The following JAZF1 variants were observed in gnomAD, a reference collection of about 807,000 sequenced individuals.
The protein encoded by JAZF1 is juxtaposed with another zinc finger protein 1.
A neutral mutation model predicts 26.4 loss-of-function variants in JAZF1; 8 were observed. That is an observed-to-expected ratio of 0.30 (90% CI 0.18 to 0.55). The LOEUF is 0.55. Ranked by LOEUF, JAZF1 falls within the 20% of genes least tolerant of loss-of-function variation. The pLI is 0.94. For missense variants in JAZF1, 199 were observed against 322.0 expected (o/e 0.62, Z 2.92); for synonymous variants, 126 against 122.3 (o/e 1.03, Z -0.20).
At chr7:28,054,290 A>C (rs1783662879) in intron 1 of JAZF1, among the ~76,000 whole-genome samples, 1 of 152,234 alleles carries the variant, frequency 6.6e-6, no homozygotes, top group Non-Finnish European at 1.5e-5. Flanking sequence ...TAGAAGTTGA[A>C]GAGATACAAC....
At chr7:27,883,928 T>C (rs1783814430) in intron 3 of JAZF1, among the ~76,000 whole-genome samples, 1 of 152,228 alleles carries the variant, frequency 6.6e-6, no homozygotes, top group African/African-American at 2.4e-5. Flanking sequence ...CCTACTGTCT[T>C]TCTTCAATGA....
chr7:27,878,102 G>A (rs1462209836), intron 3 of JAZF1, among the ~76,000 whole-genome samples: 2 of 152,144 alleles, frequency 1.3e-5, no homozygotes, highest in South Asian at 2.1e-4. Flanking sequence ...GCTATGGCTC[G>A]ATGGGGTCTC....
chr7:28,110,532 G>GAAAAGGAAAGGA (rs66665962), intron 1 of JAZF1, among the ~76,000 whole-genome samples: 6 of 35,542 alleles, frequency 1.7e-4, no homozygotes, highest in Non-Finnish European at 2.5e-4. Flanking sequence ...AAAGGAAAAG[G>GAAAAGGAAAGGA]AAAGGAAAAG....
intron 1 of JAZF1, among the ~76,000 whole-genome samples, chr7:28,165,188 A>G (rs1783349853): frequency 6.6e-6 from 1 of 152,176 alleles, no homozygotes; most frequent in African/African-American, 2.4e-5. Context: ...AAACAAAAAC[A>G]AAACAAAAAC....
At chr7:28,136,744 G>A (rs1183238160) in intron 1 of JAZF1, among the ~76,000 whole-genome samples, 4 of 152,060 alleles carry the variant, frequency 2.6e-5, no homozygotes, top group Admixed American at 2.6e-4. Flanking sequence ...AATACTGCAT[G>A]AAGAGACCCA....
chr7:28,076,492 G>A (rs1426549506), intron 1 of JAZF1, among the ~76,000 whole-genome samples: 1 of 152,094 alleles, frequency 6.6e-6, no homozygotes, highest in African/African-American at 2.4e-5. Flanking sequence ...TCCCATGACT[G>A]GCTTTGCTAA....
intron 1 of JAZF1, among the ~76,000 whole-genome samples, chr7:28,151,642 A>G (rs539757607): frequency 6.6e-6 from 1 of 151,994 alleles, no homozygotes; most frequent in East Asian, 2.0e-4. Context: ...CTCTACTAAA[A>G]AAATACAAAG....
chr7:28,132,360 G>T (rs1336154545), intron 1 of JAZF1, among the ~76,000 whole-genome samples: 4 of 152,136 alleles, frequency 2.6e-5, no homozygotes, highest in Non-Finnish European at 4.4e-5. Context: ...GGAGAAGAGG[G>T]AGCAAAGACT....
At chr7:28,074,778 C>CAA (rs934546355) in intron 1 of JAZF1, among the ~76,000 whole-genome samples, 1 of 152,048 alleles carries the variant, frequency 6.6e-6, no homozygotes, top group African/African-American at 2.4e-5. Flanking sequence ...AACTGTATTT[C>CAA]AAATGAAATT....
At chr7:27,854,483 G>A (rs930728124) in intron 3 of JAZF1, among the ~76,000 whole-genome samples, 2 of 152,188 alleles carry the variant, frequency 1.3e-5, no homozygotes, top group Non-Finnish European at 2.9e-5. Flanking sequence ...TTACAATTTG[G>A]TATTTTTTTG....
At chr7:27,964,046 T>G (rs1282039628) in intron 2 of JAZF1, among the ~76,000 whole-genome samples, 1 of 152,190 alleles carries the variant, frequency 6.6e-6, no homozygotes. Context: ...GTGCTTCCAT[T>G]ATACCCTCTT....
chr7:27,955,213 A>G (rs1166919546), intron 2 of JAZF1, among the ~76,000 whole-genome samples: 2 of 152,272 alleles, frequency 1.3e-5, no homozygotes, highest in Non-Finnish European at 2.9e-5. Flanking sequence ...AGTAATAGAA[A>G]AAAGTGGTCA....
intron 1 of JAZF1, among the ~76,000 whole-genome samples, chr7:28,129,927 C>T (rs1316143516): frequency 6.6e-6 from 1 of 151,964 alleles, no homozygotes; most frequent in African/African-American, 2.4e-5. Context: ...ATAACACTAT[C>T]GGTATCTTTC....
At chr7:28,138,002 ATTCAATTCCAG>A (rs1782910370) in intron 1 of JAZF1, among the ~76,000 whole-genome samples, 1 of 152,208 alleles carries the variant, frequency 6.6e-6, no homozygotes, top group African/African-American at 2.4e-5. Context: ...CAGAGCCAGG[ATTCAATTCCAG>A]ATAATCTCAC....
At chr7:27,842,125 C>T (rs551485357) in intron 3 of JAZF1, 9 of 152,182 alleles carry the variant, frequency 5.9e-5, no homozygotes, top group Admixed American at 2.6e-4. Flanking sequence ...ACAGGGACGC[C>T]GGCATCTGAG....
At chr7:27,914,011 T>C (rs888487876) in intron 2 of JAZF1, among the ~76,000 whole-genome samples, 18 of 152,146 alleles carry the variant, frequency 1.2e-4, no homozygotes, top group Non-Finnish European at 1.9e-4. Context: ...AGGATAAAGA[T>C]TTAAAGCACA....
At chr7:28,097,095 CAAT>C (rs1784398831) in intron 1 of JAZF1, among the ~76,000 whole-genome samples, 1 of 152,088 alleles carries the variant, frequency 6.6e-6, no homozygotes, top group Non-Finnish European at 1.5e-5. Flanking sequence ...ATTAAGTTAA[CAAT>C]AATGCCTTTA....
intron 1 of JAZF1, among the ~76,000 whole-genome samples, chr7:28,144,914 T>A (rs1783002816): frequency 6.6e-6 from 1 of 152,224 alleles, no homozygotes; most frequent in Admixed American, 6.5e-5. Context: ...ATGTAAATTT[T>A]GATGAAACTT....
intron 1 of JAZF1, among the ~76,000 whole-genome samples, chr7:28,075,310 T>C (rs959778643): frequency 3.7e-4 from 56 of 152,188 alleles, no homozygotes; most frequent in African/African-American, 1.3e-3. Flanking sequence ...ACCAGAAGCT[T>C]CTCCCCACTC....
Sources: gnomAD v4.1 joint callset for allele counts (sites outside exome capture counted in the v4.1 genomes callset) on GRCh38, gnomAD v4.1.1 for gene constraint, MANE v1.5 for transcripts, NCBI Gene and HGNC (gene_info 2026-07-23, HGNC 2026-07-21) for gene names.